SNTG2: variants seen among roughly 807,000 people sequenced by gnomAD.
The protein encoded by SNTG2 is syntrophin gamma 2.
SNTG2 carries 74 observed loss-of-function variants against 70.9 expected under a neutral mutation model. The observed-to-expected ratio is 1.04, with a 90% CI of 0.86 to 1.27. SNTG2 has a LOEUF of 1.27. SNTG2 is among the 50% of genes most tolerant of loss of function. The pLI is 0.00. For missense variants in SNTG2, 717 were observed against 690.7 expected (o/e 1.04, Z -0.43); for synonymous variants, 278 against 273.8 (o/e 1.02, Z -0.15).
At chr2:1,183,017 A>T (rs1257031837) in intron 8 of SNTG2, among the ~76,000 whole-genome samples, 4 of 152,092 alleles carry the variant, frequency 2.6e-5, no homozygotes, top group Non-Finnish European at 4.4e-5. Context: ...AGCCCCCTAA[A>T]ATGCTGGAAT....
intron 1 of SNTG2, among the ~76,000 whole-genome samples, chr2:982,753 G>A (rs11679222): frequency 0.24 from 35,837 of 152,204 alleles, 5,182 homozygotes; most frequent in Middle Eastern, 0.39. Flanking sequence ...AGCACCTCGG[G>A]TTAGTATTGA....
Position 1,330,450 on chromosome 2 carries a change from A to ACTGGGAAAGGC in SNTG2, c.1488+14085_1488+14095dup, listed in dbSNP as rs1558212390. 4.6e-5 allele frequency among the ~76,000 whole-genome samples: 7 copies of ACTGGGAAAGGC among 152,220 alleles called. No homozygotes were observed. The South Asian group carries it at 8.3e-4, about 18-fold the overall frequency. ...ATGATAATACTTACATTTCCCAGGG[A>ACTGGGAAAGGC]CTGGGAAAGGCCTGGGAAAGCCTGG... is the stretch of plus-strand genomic sequence containing the variant. On this transcript the variant is annotated intron_variant, in intron 16 of 16. Transcript: ENST00000308624.
intron 1 of SNTG2, among the ~76,000 whole-genome samples, chr2:1,019,347 C>T (rs556737995): frequency 1.1e-4 from 16 of 152,126 alleles, no homozygotes; most frequent in East Asian, 1.9e-4. Context: ...TCCAAACTGG[C>T]GTTTCCTGAT....
intron 6 of SNTG2, among the ~76,000 whole-genome samples, chr2:1,143,514 A>G: frequency 6.6e-6 from 1 of 151,908 alleles, no homozygotes; most frequent in East Asian, 2.0e-4. Context: ...AGATGGGGAT[A>G]AACGGGTTCT....
At chr2:986,521 A>G (rs534458564) in intron 1 of SNTG2, among the ~76,000 whole-genome samples, 19 of 152,348 alleles carry the variant, frequency 1.2e-4, no homozygotes, top group East Asian at 1.2e-3. Flanking sequence ...TAAAAAGGGA[A>G]GATTTCAGAT....
At chr2:1,085,662 A>C (rs4290689) in intron 2 of SNTG2, among the ~76,000 whole-genome samples, 1 of 152,134 alleles carries the variant, frequency 6.6e-6, no homozygotes, top group African/African-American at 2.4e-5. Context: ...CCGTGTATCC[A>C]GCAGTGCAGA....
chr2:1,271,717 A>T (rs1468196984), intron 14 of SNTG2, among the ~76,000 whole-genome samples: 1 of 152,086 alleles, frequency 6.6e-6, no homozygotes, highest in East Asian at 1.9e-4. Flanking sequence ...TGTTCAGGGG[A>T]GGCAGAAAAT....
rs373705859 is a variant in SNTG2, at chr2:1,222,162, T to C, written c.719+12932T>C. Among the ~76,000 whole-genome samples, 20 of 152,142 alleles carry C rather than the reference T, an allele frequency of 1.3e-4. No homozygotes were observed. In the East Asian group the frequency reaches 3.1e-3, roughly 24 times the overall value. ...CTCTCTCTGTCTCTGCCTATCTCTG[T>C]CTTTGTCTCTCTTTTTCTCCCTCTG... is the stretch of plus-strand genomic sequence containing the variant. On this transcript the variant is annotated intron_variant, in intron 9 of 16. Coordinates refer to ENST00000308624, the MANE Select transcript of SNTG2 (RefSeq NM_018968.4).
At chr2:1,263,692 AG>A in intron 13 of SNTG2, among the ~76,000 whole-genome samples, 1 of 152,332 alleles carries the variant, frequency 6.6e-6, no homozygotes, top group Non-Finnish European at 1.5e-5. Context: ...GCATTGCCTT[AG>A]GACGTGTGTC....
rs377446664 is a variant in SNTG2 at position 1,098,215 on chromosome 2, G to A, written c.230G>A (p.Arg77His). The A allele has an allele frequency of 3.5e-5, 57 of 1,613,878 alleles. No homozygotes were observed. Among genetic ancestry groups the A allele is most frequent in the Middle Eastern group, 1.6e-4 (1 of 6,084 alleles). ...QGRNRRTVTL[R>H]RQPVGGLGLS... ...TTAAAGCGCAGAACTGTTACACTCC[G>A]CAGACAGCCAGTTGGCGGCTTGGGC... The change falls in exon 3 of 17, where the codon CGC (arginine) becomes CAC (histidine). Residue 77 changes from arginine (R) to histidine (H), a missense_variant. Coordinates refer to ENST00000308624, the MANE Select transcript of SNTG2 (RefSeq NM_018968.4).
At chr2:1,063,732 A>C (rs768015918) in intron 1 of SNTG2, among the ~76,000 whole-genome samples, 7 of 152,260 alleles carry the variant, frequency 4.6e-5, no homozygotes, top group Non-Finnish European at 1.0e-4. Context: ...TAGATCAATC[A>C]CATAATTCAA....
At chr2:1,140,561 C>T (rs987859189) in intron 6 of SNTG2, among the ~76,000 whole-genome samples, 3 of 152,208 alleles carry the variant, frequency 2.0e-5, no homozygotes, top group African/African-American at 7.2e-5. Flanking sequence ...GAGTGAGGCG[C>T]TCTGGGAGGT....
rs1675209979 is a variant in SNTG2 at position 1,222,117 on chromosome 2, C to CTCTCTCTCTG, written c.719+12894_719+12895insCTGTCTCTCT. On this transcript the variant is annotated intron_variant, in intron 9 of 16. Transcript: ENST00000308624. ...TCTGTCTCTCTCTGTCTCTCTCTGT[C>CTCTCTCTCTG]TCTCTCTGTCTCTCTCTGTCTCTCT... Among the ~76,000 whole-genome samples, 3 of 37,452 alleles carry CTCTCTCTCTG rather than the reference C, an allele frequency of 8.0e-5. 1 individual carries two copies. The allele number at this position is 37,452 out of a possible 152,430, so 24.6% of individuals were successfully genotyped here.
At chr2:1,236,586 A>G (rs192108859) in intron 9 of SNTG2, among the ~76,000 whole-genome samples, 2 of 152,390 alleles carry the variant, frequency 1.3e-5, no homozygotes, top group Admixed American at 1.3e-4. Flanking sequence ...ACAAGTAGAT[A>G]AACCTCACAT....
intron 11 of SNTG2, 73 bp from the exon 12 acceptor site, chr2:1,247,254 C>T (rs1677483201): frequency 1.1e-6 from 1 of 895,000 alleles, no homozygotes; most frequent in Non-Finnish European, 1.8e-6. Flanking sequence ...ATGGCTTGCT[C>T]ATGTGCTTAA....
At chr2:1,342,374 G>A (rs1660159450) in intron 16 of SNTG2, among the ~76,000 whole-genome samples, 1 of 69,182 alleles carries the variant, frequency 1.4e-5, no homozygotes, top group African/African-American at 6.5e-5. Context: ...CCCCTGTTCT[G>A]GGCACGCCTG....
At chr2:1,134,280 G>A (rs1013254029) in intron 4 of SNTG2, among the ~76,000 whole-genome samples, 1 of 152,132 alleles carries the variant, frequency 6.6e-6, no homozygotes, top group Non-Finnish European at 1.5e-5. Context: ...GGTGGCGCCG[G>A]GATCCTGCTT....
chr2:1,247,540 CAG>C, intron 12 of SNTG2, 97 bp downstream of exon 12: 1 of 842,936 alleles, frequency 1.2e-6, no homozygotes, highest in Non-Finnish European at 2.0e-6. Flanking sequence ...GGAGGACAGA[CAG>C]AGTGCTTGGT....
chr2:952,687 GT>G (rs1660016073), intron 1 of SNTG2, among the ~76,000 whole-genome samples: 2 of 152,108 alleles, frequency 1.3e-5, no homozygotes, highest in African/African-American at 4.8e-5. Flanking sequence ...TGGAGGCCAA[GT>G]ATTACAATAA....
Sources: gnomAD v4.1 joint callset for allele counts (sites outside exome capture counted in the v4.1 genomes callset) on GRCh38, gnomAD v4.1.1 for gene constraint, MANE v1.5 for transcripts, NCBI Gene and HGNC (gene_info 2026-07-23, HGNC 2026-07-21) for gene names.